Variants in GRID2 observed in about 807,000 individuals in gnomAD.
GRID2 encodes glutamate ionotropic receptor delta type subunit 2, also known as glutamate receptor ionotropic, delta-2.
Under a neutral mutation model 114.8 loss-of-function variants are expected in GRID2, and 33 were observed. The ratio of observed to expected loss-of-function variants is 0.29; its 90% CI spans 0.22 to 0.38. The LOEUF (loss-of-function observed/expected upper bound fraction) is 0.38, where lower values mean the gene tolerates loss of function less well. GRID2 is among the 10% of genes least tolerant of loss of function. GRID2 has a pLI of 1.00. For synonymous variants in GRID2, 505 were observed against 449.9 expected (o/e 1.12, Z -1.55); for missense variants, 1,184 against 1,257.7 (o/e 0.94, Z 0.89).
intron 4 of GRID2, chr4:93,111,933 G>A (rs1315657958): frequency 6.6e-6 from 1 of 151,858 alleles, no homozygotes; most frequent in Non-Finnish European, 1.5e-5. Context: ...AAAACTGTCA[G>A]TAATATAAAA....
chr4:92,598,772 A>G (rs944663564), intron 2 of GRID2, among the ~76,000 whole-genome samples: 1 of 152,090 alleles, frequency 6.6e-6, no homozygotes, highest in African/African-American at 2.4e-5. Flanking sequence ...TTCCTCCACT[A>G]ATCTAATTAC....
chr4:92,745,721 T>A (rs1306440830), intron 2 of GRID2, among the ~76,000 whole-genome samples: 1 of 152,134 alleles, frequency 6.6e-6, no homozygotes, highest in East Asian at 1.9e-4. Flanking sequence ...ATTTGGTGTG[T>A]GGTGGTGGTG....
At chr4:93,281,115 G>C (rs1364749197) in intron 8 of GRID2, among the ~76,000 whole-genome samples, 1 of 151,854 alleles carries the variant, frequency 6.6e-6, no homozygotes, top group Non-Finnish European at 1.5e-5. Context: ...ATAAAGCAGA[G>C]AAGAGGAATA....
At chr4:93,137,965 C>CAT (rs1735412916) in intron 4 of GRID2, among the ~76,000 whole-genome samples, 1 of 67,092 alleles carries the variant, frequency 1.5e-5, no homozygotes, top group Admixed American at 2.1e-4. Context: ...ATTTTTTCTT[C>CAT]GTTTTTTTTT....
intron 2 of GRID2, among the ~76,000 whole-genome samples, chr4:93,030,190 G>T (rs763321289): frequency 1.3e-5 from 2 of 151,998 alleles, no homozygotes; most frequent in African/African-American, 2.4e-5. Flanking sequence ...CTATTTCATG[G>T]TATTTCATCT....
chr4:92,745,809 A>C (rs1049646908), intron 2 of GRID2, among the ~76,000 whole-genome samples: 3 of 152,134 alleles, frequency 2.0e-5, no homozygotes, highest in African/African-American at 7.2e-5. Context: ...ATACAAAAAG[A>C]CCATGTAGCA....
chr4:92,633,467 G>T (rs1240174462), intron 2 of GRID2, among the ~76,000 whole-genome samples: 4 of 152,118 alleles, frequency 2.6e-5, no homozygotes, highest in Admixed American at 1.3e-4. Flanking sequence ...CATTTTGTTA[G>T]ATAGCAACAA....
chr4:93,797,810 G>T (rs1473332944), intron 1 of GRID2, among the ~76,000 whole-genome samples: 1 of 136,796 alleles, frequency 7.3e-6, no homozygotes, highest in Non-Finnish European at 1.6e-5. Context: ...AAGATATTAA[G>T]AGAGAAGAAG....
intron 8 of GRID2, among the ~76,000 whole-genome samples, chr4:93,291,134 A>G (rs1227167851): frequency 6.6e-6 from 1 of 151,998 alleles, no homozygotes; most frequent in Non-Finnish European, 1.5e-5. Flanking sequence ...ACCAGATCCA[A>G]AGTGCTGGGG....
chr4:92,967,294 T>C (rs866801203), intron 2 of GRID2, among the ~76,000 whole-genome samples: 2 of 151,946 alleles, frequency 1.3e-5, no homozygotes, highest in South Asian at 2.1e-4. Flanking sequence ...CAAATAATTA[T>C]GAAACACCAA....
chr4:92,911,621 C>T (rs754867869), intron 2 of GRID2, among the ~76,000 whole-genome samples: 2 of 151,686 alleles, frequency 1.3e-5, no homozygotes, highest in African/African-American at 4.8e-5. Context: ...AAAACAATTG[C>T]TGGTGTGTCA....
intron 14 of GRID2, among the ~76,000 whole-genome samples, chr4:93,739,861 A>G (rs1015557642): frequency 6.6e-6 from 1 of 152,172 alleles, no homozygotes; most frequent in Non-Finnish European, 1.5e-5. Context: ...AATGCTAACA[A>G]TAAAGGCCAG....
intron 3 of GRID2, among the ~76,000 whole-genome samples, chr4:93,106,280 G>T (rs1732222387): frequency 6.6e-6 from 1 of 152,182 alleles, no homozygotes; most frequent in Admixed American, 6.6e-5. Flanking sequence ...TACAGATAAT[G>T]TGGCTGAATG....
chr4:93,241,371 T>C (rs1032674187), intron 8 of GRID2, among the ~76,000 whole-genome samples: 1 of 151,648 alleles, frequency 6.6e-6, no homozygotes, highest in African/African-American at 2.4e-5. Context: ...GTAGTAGGCA[T>C]TTTTGGATCG....
At chr4:92,875,993 CAT>C (rs1235209051) in intron 2 of GRID2, among the ~76,000 whole-genome samples, 2 of 152,118 alleles carry the variant, frequency 1.3e-5, no homozygotes, top group African/African-American at 2.4e-5. Flanking sequence ...GGCCTGGAAA[CAT>C]GTGGGACACT....
chr4:93,302,550 A>G (rs1348383725), intron 8 of GRID2: 1 of 456,032 alleles, frequency 2.2e-6, no homozygotes, highest in Non-Finnish European at 4.4e-6. Context: ...ACACATACAT[A>G]TGTACGCACA....
chr4:93,254,094 T>C (rs1041880941), intron 8 of GRID2, among the ~76,000 whole-genome samples: 8 of 152,230 alleles, frequency 5.3e-5, no homozygotes, highest in Non-Finnish European at 8.8e-5. Context: ...GATAAATGTT[T>C]GGAGATGGAG....
chr4:93,400,167 T>C (rs1157243098), intron 9 of GRID2, among the ~76,000 whole-genome samples: 1 of 152,090 alleles, frequency 6.6e-6, no homozygotes, highest in Non-Finnish European at 1.5e-5. Flanking sequence ...AATGGACTCA[T>C]GTTAGGTATA....
At chr4:93,107,239 C>T (rs1732325871) in intron 3 of GRID2, among the ~76,000 whole-genome samples, 1 of 151,992 alleles carries the variant, frequency 6.6e-6, no homozygotes, top group African/African-American at 2.4e-5. Flanking sequence ...GTGGAGGTTG[C>T]AATGAGCTGA....
Sources: gnomAD v4.1 joint callset for allele counts (sites outside exome capture counted in the v4.1 genomes callset) on GRCh38, gnomAD v4.1.1 for gene constraint, MANE v1.5 for transcripts, NCBI Gene and HGNC (gene_info 2026-07-23, HGNC 2026-07-21) for gene names.